The following PPFIA2 variants were observed in gnomAD, a reference collection of about 807,000 sequenced individuals.
The protein encoded by PPFIA2 is liprin-alpha-2.
A neutral mutation model predicts 175.5 loss-of-function variants in PPFIA2; 46 were observed. The observed-to-expected ratio is 0.26, with a 90% CI of 0.21 to 0.34. The LOEUF (loss-of-function observed/expected upper bound fraction) is 0.34. Among genes scored for constraint, PPFIA2 ranks in the 10% least tolerant of loss-of-function variants. The pLI, the probability that PPFIA2 is intolerant of heterozygous loss-of-function variation, is 1.00. For missense variants in PPFIA2, 1,179 were observed against 1,506.1 expected, an observed-to-expected ratio of 0.78 and a Z score of 3.60; for synonymous variants, 568 against 511.4, an observed-to-expected ratio of 1.11 and a Z score of -1.49.
At position 81,276,995 on chromosome 12, in the gene PPFIA2, A is replaced by C. The variant is rs143146428; in HGVS notation, c.3310+322T>G. On this transcript the variant is annotated intron_variant, in intron 28 of 32. Coordinates refer to ENST00000549396, the MANE Select transcript of PPFIA2 (RefSeq NM_003625.5). ...CATGTTTCTCTGAATCATACTGAGA[A>C]TGTTCCATTAAAAGTCTGACAAAAA... is the stretch of plus-strand genomic sequence containing the variant. 4.1e-3 allele frequency among the ~76,000 whole-genome samples: 625 copies of C among 152,322 alleles called. 4 individuals are homozygous for C. The highest frequency in any genetic ancestry group is 0.014 in the African/African-American group (593 of 41,584).
chr12:81,595,399 C>T (rs1214269345), intron 4 of PPFIA2, among the ~76,000 whole-genome samples: 1 of 151,840 alleles, frequency 6.6e-6, no homozygotes, highest in African/African-American at 2.4e-5. Context: ...TAACTTTTGT[C>T]AATTAAAGGG....
At chr12:81,436,630 C>T (rs540352644) in intron 7 of PPFIA2, among the ~76,000 whole-genome samples, 11 of 152,156 alleles carry the variant, frequency 7.2e-5, no homozygotes, top group South Asian at 2.1e-4. Flanking sequence ...ATTTCTTATA[C>T]CAATTGCTCT....
intron 7 of PPFIA2, among the ~76,000 whole-genome samples, chr12:81,439,198 T>A (rs2049685247): frequency 6.7e-6 from 1 of 149,650 alleles, no homozygotes; most frequent in Non-Finnish European, 1.5e-5. Context: ...TATATATATA[T>A]AATTTTATTT....
intron 4 of PPFIA2, among the ~76,000 whole-genome samples, chr12:81,675,322 T>C (rs922216878): frequency 2.0e-4 from 30 of 152,092 alleles, no homozygotes; most frequent in African/African-American, 7.2e-4. Flanking sequence ...AGGATACCAT[T>C]TTTCCTTTCT....
Position 81,339,335 on chromosome 12 carries a change from C to T in PPFIA2, c.2394-1G>A. Reference sequence around the variant, plus strand: ...TGGCTCAAGAGAGACAGATAAACTACTGCAAAACACAAAAGAGGAAAATAC... The same window carrying T: ...TGGCTCAAGAGAGACAGATAAACTATTGCAAAACACAAAAGAGGAAAATAC... On this transcript the variant is annotated splice_acceptor_variant, in intron 20 of 32. Transcript: ENST00000549396. LOFTEE classifies it high-confidence loss of function. 1 of 1,565,318 alleles carries T rather than the reference C, an allele frequency of 6.4e-7. No homozygotes were observed. The highest frequency in any genetic ancestry group is 8.6e-7 in the Non-Finnish European group (1 of 1,159,236).
At chr12:81,410,484 T>C (rs2043737140) in intron 7 of PPFIA2, among the ~76,000 whole-genome samples, 1 of 152,014 alleles carries the variant, frequency 6.6e-6, no homozygotes, top group South Asian at 2.1e-4. Context: ...GAGGCAAAGT[T>C]TTGCATATAT....
intron 7 of PPFIA2, among the ~76,000 whole-genome samples, chr12:81,413,125 C>T (rs557091647): frequency 6.6e-6 from 1 of 151,796 alleles, no homozygotes; most frequent in Non-Finnish European, 1.5e-5. Context: ...AGTTTTCTCA[C>T]CAACCATTTT....
intron 4 of PPFIA2, among the ~76,000 whole-genome samples, chr12:81,602,166 TTGAAA>T (rs1443248257): frequency 6.6e-6 from 1 of 151,834 alleles, no homozygotes; most frequent in Admixed American, 6.6e-5. Flanking sequence ...AACTTGTCTC[TTGAAA>T]TGAGCAGCAT....
intron 4 of PPFIA2, among the ~76,000 whole-genome samples, chr12:81,499,387 A>G (rs1335815038): frequency 6.6e-6 from 1 of 152,130 alleles, no homozygotes; most frequent in Admixed American, 6.6e-5. Context: ...CTTTTACCCT[A>G]CATCTGAGCA....
chr12:81,704,106 G>A (rs542983850), intron 3 of PPFIA2, among the ~76,000 whole-genome samples: 1 of 152,124 alleles, frequency 6.6e-6, no homozygotes, highest in Non-Finnish European at 1.5e-5. Flanking sequence ...CTTAGTTCTA[G>A]TACATTTCCT....
At chr12:81,418,494 A>C (rs2143516329) in intron 7 of PPFIA2, among the ~76,000 whole-genome samples, 1 of 152,142 alleles carries the variant, frequency 6.6e-6, no homozygotes, top group Non-Finnish European at 1.5e-5. Flanking sequence ...GTAAATTATA[A>C]GAAATTCACT....
At chr12:81,630,886 T>C (rs939987060) in intron 4 of PPFIA2, among the ~76,000 whole-genome samples, 11 of 59,930 alleles carry the variant, frequency 1.8e-4, no homozygotes, top group African/African-American at 8.3e-4. Context: ...AAAGGCTATA[T>C]ATATATATAT....
intron 4 of PPFIA2, among the ~76,000 whole-genome samples, chr12:81,591,185 G>T (rs1485034228): frequency 6.6e-6 from 1 of 152,084 alleles, no homozygotes; most frequent in East Asian, 1.9e-4. Context: ...GTGGCATTTT[G>T]CCCTTGCCCT....
At chr12:81,681,785 G>A (rs1305193031) in intron 3 of PPFIA2, among the ~76,000 whole-genome samples, 1 of 151,610 alleles carries the variant, frequency 6.6e-6, no homozygotes, top group Non-Finnish European at 1.5e-5. Flanking sequence ...TTTTATCCCT[G>A]AAGAGCAGGA....
At chr12:81,403,568 A>T (rs1016869502) in intron 8 of PPFIA2, among the ~76,000 whole-genome samples, 3 of 152,216 alleles carry the variant, frequency 2.0e-5, no homozygotes, top group Non-Finnish European at 4.4e-5. Flanking sequence ...TGTAATAAAT[A>T]GAAAACATTG....
intron 21 of PPFIA2, among the ~76,000 whole-genome samples, chr12:81,337,799 A>T (rs773399121): frequency 6.6e-6 from 1 of 152,150 alleles, no homozygotes; most frequent in Non-Finnish European, 1.5e-5. Flanking sequence ...AATATATTGG[A>T]TATGACAGAT....
intron 27 of PPFIA2, 85 bp from the exon 28 acceptor site, chr12:81,277,499 T>C (rs1406429473): frequency 1.6e-6 from 2 of 1,285,382 alleles, no homozygotes; most frequent in African/African-American, 1.5e-5. Context: ...TAGTCAACAC[T>C]ATGCACTGCT....
Position 81,277,378 on chromosome 12 carries a change from C to T in PPFIA2, c.3249G>A (p.Arg1083=). 6.4e-7 allele frequency: 1 copy of T among 1,562,504 alleles called. No homozygotes were observed. ...CTAGTTCTTTTCTGTCATAATTCAACCTCTTTAAGCACATAATTCCATATT... is the reference window on the plus strand; with the variant it reads ...CTAGTTCTTTTCTGTCATAATTCAATCTCTTTAAGCACATAATTCCATATT... ...SLQYGIMCLK[R]LNYDRKELER... Residue 1083 remains arginine (R), a synonymous_variant, in exon 28 of 33, where the codon AGG becomes AGA. Coordinates refer to ENST00000549396, the MANE Select transcript of PPFIA2 (RefSeq NM_003625.5).
At chr12:81,553,725 G>T (rs1044613818) in intron 4 of PPFIA2, among the ~76,000 whole-genome samples, 1 of 152,010 alleles carries the variant, frequency 6.6e-6, no homozygotes, top group African/African-American at 2.4e-5. Context: ...AGTCCCATCT[G>T]CTTTCCAATT....
Sources: allele counts gnomAD v4.1 joint callset (sites outside exome capture counted in the v4.1 genomes callset), GRCh38; gene constraint gnomAD v4.1.1; transcripts MANE v1.5; gene names NCBI Gene and HGNC (gene_info 2026-07-23, HGNC 2026-07-21).